The following ACAT1 variants were observed in gnomAD, a reference collection of about 807,000 sequenced individuals.
ACAT1 encodes the protein acetyl-CoA acetyltransferase 1, also known as acetyl-CoA acetyltransferase, mitochondrial.
A neutral mutation model predicts 47.3 loss-of-function variants in ACAT1; 28 were observed. That is an observed-to-expected ratio of 0.59 (90% CI 0.44 to 0.81). The LOEUF (loss-of-function observed/expected upper bound fraction) is 0.81, where lower values mean the gene tolerates loss of function less well. ACAT1 is among the 30% of genes least tolerant of loss of function. ACAT1 has a pLI of 0.00. For missense variants in ACAT1, 469 were observed against 524.3 expected, an observed-to-expected ratio of 0.89 and a Z score of 1.03; for synonymous variants, 181 against 173.6, an observed-to-expected ratio of 1.04 and a Z score of -0.34.
At chr11:108,122,771 C>T (rs922635072) in intron 1 of ACAT1, among the ~76,000 whole-genome samples, 2 of 151,886 alleles carry the variant, frequency 1.3e-5, no homozygotes, top group Admixed American at 1.3e-4. Flanking sequence ...AGTTTTTAGC[C>T]TATTTGTTAG....
In ACAT1 at chr11:108,147,370, A is replaced by T. The variant is rs1401976856; in HGVS notation, c.1264A>T (p.Met422Leu). The T allele has an allele frequency of 2.5e-6, 4 of 1,613,712 alleles. No individual in the cohort carries two copies. The highest frequency in any genetic ancestry group is 2.7e-5 in the African/African-American group (2 of 74,896). Residue 422 changes from methionine to leucine, a missense_variant, in exon 12 of 12, where the codon ATG (methionine) becomes TTG (leucine). By Grantham distance (15) the Met-to-Leu change is conservative. Coordinates refer to ENST00000265838, the MANE Select transcript of ACAT1 (RefSeq NM_000019.4). ...ICNGGGGASA[M>L]LIQKL Reference sequence around the variant, plus strand: ...CAATGGAGGAGGAGGTGCTTCTGCCATGCTAATTCAGAAGCTGTAGACAAC... The same window carrying T: ...CAATGGAGGAGGAGGTGCTTCTGCCTTGCTAATTCAGAAGCTGTAGACAAC...
Position 108,133,808 on chromosome 11 carries a change from G to T in ACAT1, c.121-12G>T. ...AAATACCTATAATTTTTACCATCTTGTGTCTTGCCAGGAAGTGGTCATAGT... is the reference window on the plus strand; with the variant it reads ...AAATACCTATAATTTTTACCATCTTTTGTCTTGCCAGGAAGTGGTCATAGT... On this transcript the variant is annotated splice_polypyrimidine_tract_variant and intron_variant, in intron 2 of 11. Transcript: ENST00000265838. The T allele has an allele frequency of 1.9e-6, 3 of 1,600,886 alleles. No individual in the cohort carries two copies. Among genetic ancestry groups the T allele is most frequent in the South Asian group, 2.2e-5 (2 of 90,662 alleles).
intron 5 of ACAT1, among the ~76,000 whole-genome samples, chr11:108,138,077 C>T (rs1278745205): frequency 5.3e-5 from 8 of 151,700 alleles, no homozygotes; most frequent in Non-Finnish European, 8.8e-5. Context: ...CAAGCTCTGC[C>T]TCCCAGGTTC....
Position 108,140,221 on chromosome 11 carries a change from G to C in ACAT1, c.730+6G>C, listed in dbSNP as rs1298823697. 57 of 1,614,044 alleles carry C rather than the reference G, an allele frequency of 3.5e-5. No individual in the cohort carries two copies. The highest frequency in any genetic ancestry group is 4.7e-5 in the Non-Finnish European group (55 of 1,179,956). ...TGTCACAGTTACAGTAAAAGGTAGA[G>C]ATAATGTTCCAAAAAGGATGAATAG... On this transcript the variant is annotated splice_donor_region_variant and intron_variant, in intron 7 of 11. Transcript: ENST00000265838.
At chr11:108,117,325 G>T (rs7120373), upstream of ACAT1, among the ~76,000 whole-genome samples, 3 of 147,340 alleles carry the variant, frequency 2.0e-5, no homozygotes, top group African/African-American at 2.5e-5. Context: ...TTTTTTTTTT[G>T]GAGACAGAGT....
chr11:108,147,188 G>T, intron 11 of ACAT1, 82 bp from the exon 12 acceptor site: 4 of 1,534,206 alleles, frequency 2.6e-6, no homozygotes, highest in Non-Finnish European at 3.6e-6. Context: ...AGGTTTTCAA[G>T]AAGTTAAATT....
At chr11:108,134,862 G>A (rs1046775022) in intron 4 of ACAT1, among the ~76,000 whole-genome samples, 8 of 147,882 alleles carry the variant, frequency 5.4e-5, no homozygotes, top group Non-Finnish European at 7.5e-5. Flanking sequence ...GGAGAATGGC[G>A]TGAACCCAGG....
Position 108,147,274 on chromosome 11 carries a change from T to C in ACAT1, c.1168T>C (p.Ser390Pro), listed in dbSNP as rs1184088336. ...TAAATGCTTTCTTAATTTTAGGATG[T>C]CTGGAGCCAGGATTGTTGGTCATTT... is the stretch of plus-strand genomic sequence containing the variant. ...AVSLGHPIGM[S>P]GARIVGHLTH... is the part of the protein sequence containing the mutation. The change falls in exon 12 of 12, where the codon TCT becomes CCT. Residue 390 changes from serine to proline, a missense_variant. Transcript: ENST00000265838. The C allele has an allele frequency of 1.2e-6, 2 of 1,613,950 alleles. No individual in the cohort carries two copies. Among genetic ancestry groups the C allele is most frequent in the Non-Finnish European group, 1.7e-6 (2 of 1,179,900 alleles).
At position 108,124,062 on chromosome 11, in the gene ACAT1, G is replaced by T. The variant is rs887300540; in HGVS notation, c.72+2384G>T. On this transcript the variant is annotated intron_variant, in intron 1 of 11. Transcript: ENST00000265838. ...TGGCTTCTGGCTGGGTGTAGCCACT[G>T]GAAGGCACCAGTGGAAGATTGGAAG... 2.0e-5 allele frequency among the ~76,000 whole-genome samples: 3 copies of T among 152,154 alleles called. No individual in the cohort carries two copies. In the East Asian group the frequency reaches 5.8e-4, roughly 29 times the overall value.
rs2134761170 is a variant in ACAT1, at chr11:108,140,118, G to A, written c.633G>A (p.Gln211=). 1 of 1,614,108 alleles carries A rather than the reference G, an allele frequency of 6.2e-7. No individual in the cohort carries two copies. The highest frequency in any genetic ancestry group is 2.2e-5 in the East Asian group (1 of 44,870). The change falls in exon 7 of 12, where the codon CAG becomes CAA. Residue 211 remains glutamine, a synonymous_variant. Transcript: ENST00000265838. ...AKKLNIARNE[Q]DAYAINSYTR... ...AGCTGAATATTGCACGAAATGAACA[G>A]GACGCTTATGCTATTAATTCTTATA...
intron 2 of ACAT1, among the ~76,000 whole-genome samples, chr11:108,132,853 CAAAAA>C (rs57501370): frequency 4.2e-5 from 2 of 47,900 alleles, no homozygotes; most frequent in Non-Finnish European, 3.4e-5. Context: ...AACTCCATCT[CAAAAA>C]AAAAAAAAAA....
At chr11:108,134,116 AAAAAG>A in intron 3 of ACAT1, 100 bp from the exon 4 acceptor site, 3 of 1,261,664 alleles carry the variant, frequency 2.4e-6, no homozygotes, top group Non-Finnish European at 3.4e-6. Context: ...AACTGACAAA[AAAAAG>A]AAACCATTCC....
At chr11:108,134,143 G>A in intron 3 of ACAT1, 78 bp from the exon 4 acceptor site, 1 of 1,353,456 alleles carries the variant, frequency 7.4e-7, no homozygotes, top group African/African-American at 1.5e-5. Flanking sequence ...ATTGTGTAAT[G>A]TCACCTACCT....
intron 11 of ACAT1, among the ~76,000 whole-genome samples, chr11:108,146,824 G>C (rs565060497): frequency 6.6e-6 from 1 of 152,348 alleles, no homozygotes; most frequent in South Asian, 2.1e-4. Context: ...GCTCACGCCT[G>C]TAATCCTAGC....
intron 4 of ACAT1, 80 bp from the exon 5 acceptor site, chr11:108,135,062 G>A (rs2077443271): frequency 2.1e-6 from 2 of 934,852 alleles, no homozygotes. Context: ...AAATGTTGTA[G>A]TTTATAGTAA....
intron 4 of ACAT1, among the ~76,000 whole-genome samples, chr11:108,134,739 A>G (rs2077432469): frequency 6.6e-6 from 1 of 150,554 alleles, no homozygotes; most frequent in Non-Finnish European, 1.5e-5. Flanking sequence ...AGGTCAGGAG[A>G]TTGAGACCAT....
chr11:108,136,685 C>G (rs2077475172), intron 5 of ACAT1: 1 of 152,168 alleles, frequency 6.6e-6, no homozygotes, highest in African/African-American at 2.4e-5. Flanking sequence ...AGAAAACAGT[C>G]AGTTTTACTT....
At chr11:108,123,068 T>TGCAC (rs140478525) in intron 1 of ACAT1, among the ~76,000 whole-genome samples, 1 of 149,590 alleles carries the variant, frequency 6.7e-6, no homozygotes, top group Non-Finnish European at 1.5e-5. Flanking sequence ...CTATTAAAAA[T>TGCAC]ACACACACAC....
chr11:108,121,446 C>A, upstream of ACAT1: 1 of 796,886 alleles, frequency 1.3e-6, no homozygotes, highest in Non-Finnish European at 2.1e-6. Context: ...CAGCGCCAGG[C>A]TCCGCCCCGC....
Sources: gnomAD v4.1 joint callset for allele counts (sites outside exome capture counted in the v4.1 genomes callset) on GRCh38, gnomAD v4.1.1 for gene constraint, MANE v1.5 for transcripts, NCBI Gene and HGNC (gene_info 2026-07-23, HGNC 2026-07-21) for gene names.